KAZN: variants seen among roughly 807,000 people sequenced by gnomAD.
The protein encoded by KAZN is kazrin.
In KAZN, 40 loss-of-function variants were observed where a neutral mutation model predicts 87.4. That is an observed-to-expected ratio of 0.46 (90% CI 0.36 to 0.60). KAZN has a LOEUF of 0.60. Ranked by LOEUF, KAZN falls within the 20% of genes least tolerant of loss-of-function variation. The pLI, the probability that KAZN is intolerant of heterozygous loss-of-function variation, is 0.00. For synonymous variants in KAZN, 466 were observed against 458.3 expected (o/e 1.02, Z -0.22); for missense variants, 898 against 1,073.9 (o/e 0.84, Z 2.29).
chr1:14,960,356 C>T lies in KAZN; in HGVS notation c.227-328C>T, dbSNP rs115792182. Among the ~76,000 whole-genome samples, 184 of 152,342 alleles carry T rather than the reference C, an allele frequency of 1.2e-3. 1 individual carries two copies. Among genetic ancestry groups the T allele is most frequent in the African/African-American group, 4.3e-3 (179 of 41,562 alleles). The stretch of plus-strand genomic sequence containing the variant: ...GAGATAATGCATATGAAACTCAACT[C>T]AGCATGCTGTTGGCTCATGGTTATG... On this transcript the variant is annotated intron_variant, in intron 1 of 14. Transcript: ENST00000376030.
intron 2 of KAZN, among the ~76,000 whole-genome samples, chr1:14,981,287 T>C (rs1001603758): frequency 2.0e-5 from 3 of 152,206 alleles, no homozygotes; most frequent in African/African-American, 7.2e-5. Flanking sequence ...AAATTTCAAG[T>C]GCGTGCTTGA....
At chr1:14,665,351 C>A (rs1039207779) in intron 1 of KAZN, among the ~76,000 whole-genome samples, 2 of 151,904 alleles carry the variant, frequency 1.3e-5, no homozygotes, top group African/African-American at 4.8e-5. Context: ...GCTGTGCAAC[C>A]TTTTCATCCC....
intron 1 of KAZN, among the ~76,000 whole-genome samples, chr1:14,766,383 A>C (rs1013996983): frequency 6.6e-6 from 1 of 152,048 alleles, no homozygotes; most frequent in Non-Finnish European, 1.5e-5. Context: ...GCTGCCCCAG[A>C]GGCTGGGAAA....
At position 14,654,287 on chromosome 1, in the gene KAZN, CAAAA is replaced by C. The variant is rs140822403; in HGVS notation, c.226+55082_226+55085del. On this transcript the variant is annotated intron_variant, in intron 1 of 14. Coordinates refer to ENST00000376030, the MANE Select transcript of KAZN (RefSeq NM_201628.3). Reference sequence around the variant, plus strand: ...GGGCAACAAGAGTGAGGCTTCGTCTCAAAAAAAAAAAAAAAAAAAAATCTCCAGA... The same window carrying C: ...GGGCAACAAGAGTGAGGCTTCGTCTCAAAAAAAAAAAAAAAAATCTCCAGA... 1.3e-3 allele frequency among the ~76,000 whole-genome samples: 101 copies of C among 80,326 alleles called. No homozygotes were observed. In the East Asian group the frequency reaches 0.023, roughly 18 times the overall value. 52.7% of individuals were successfully genotyped at this position (80,326 alleles called of 152,430 possible).
At chr1:14,527,648 G>C (rs1671960347) in intron 2 of KAZN, among the ~76,000 whole-genome samples, 1 of 152,092 alleles carries the variant, frequency 6.6e-6, no homozygotes, top group African/African-American at 2.4e-5. Context: ...CCTGGTGAGG[G>C]GCTCCAGCTG....
At chr1:14,550,557 C>T (rs1049646773) in intron 2 of KAZN, among the ~76,000 whole-genome samples, 1 of 152,042 alleles carries the variant, frequency 6.6e-6, no homozygotes, top group African/African-American at 2.4e-5. Flanking sequence ...CCCAGGGTGC[C>T]AGAGCCAACA....
intron 1 of KAZN, among the ~76,000 whole-genome samples, chr1:14,757,667 T>A (rs1031291004): frequency 2.6e-5 from 4 of 152,164 alleles, no homozygotes; most frequent in African/African-American, 9.7e-5. Context: ...GGAAAACTAT[T>A]TGGCTAAAAT....
At chr1:14,917,115 G>C (rs1195028635) in intron 1 of KAZN, among the ~76,000 whole-genome samples, 1 of 152,114 alleles carries the variant, frequency 6.6e-6, no homozygotes, top group African/African-American at 2.4e-5. Flanking sequence ...TTGGGGACCT[G>C]GGAAAACCAT....
intron 1 of KAZN, among the ~76,000 whole-genome samples, chr1:14,061,877 C>T (rs988178178): frequency 2.0e-5 from 3 of 152,074 alleles, no homozygotes; most frequent in Non-Finnish European, 4.4e-5. Context: ...GGAAGACTGT[C>T]GAGGTCACCA....
intron 1 of KAZN, among the ~76,000 whole-genome samples, chr1:14,753,966 G>A (rs1449122157): frequency 6.6e-6 from 1 of 152,244 alleles, no homozygotes; most frequent in Admixed American, 6.5e-5. Flanking sequence ...GAGTGAAGGG[G>A]AAGAGGGTGC....
chr1:15,065,895 G>T, intron 8 of KAZN, 142 bp downstream of exon 8: 1 of 1,482,640 alleles, frequency 6.7e-7, no homozygotes, highest in Non-Finnish European at 8.9e-7. Context: ...CGTGGGGTGC[G>T]TGTGCACGTG....
At chr1:14,761,005 G>A (rs757147335) in intron 1 of KAZN, among the ~76,000 whole-genome samples, 6 of 152,244 alleles carry the variant, frequency 3.9e-5, no homozygotes, top group East Asian at 1.9e-4. Flanking sequence ...GACAGGCAGC[G>A]GGCCAGATTT....
At chr1:14,537,627 G>A (rs868803) in intron 2 of KAZN, among the ~76,000 whole-genome samples, 65,938 of 151,802 alleles carry the variant, frequency 0.43, 14,790 homozygotes, top group Middle Eastern at 0.56. Flanking sequence ...CCTGAAATGA[G>A]GATGATTATA....
At chr1:13,955,499 T>C (rs1201213344) in intron 1 of KAZN, among the ~76,000 whole-genome samples, 3 of 152,134 alleles carry the variant, frequency 2.0e-5, no homozygotes, top group African/African-American at 7.2e-5. Context: ...ATTTTTGGGA[T>C]TTTAGACTTT....
chr1:15,090,773 A>AC (rs926959868), intron 8 of KAZN, among the ~76,000 whole-genome samples: 13 of 151,830 alleles, frequency 8.6e-5, no homozygotes, highest in African/African-American at 3.1e-4. Context: ...CGTCACACTC[A>AC]CCCCCGCTGA....
chr1:14,945,585 C>G (rs1190447537), intron 1 of KAZN, among the ~76,000 whole-genome samples: 2 of 152,214 alleles, frequency 1.3e-5, no homozygotes, highest in African/African-American at 4.8e-5. Context: ...GGCTCCAGCT[C>G]CGGTGGGGAG....
intron 2 of KAZN, among the ~76,000 whole-genome samples, chr1:14,264,515 G>A (rs984823441): frequency 6.6e-6 from 1 of 152,148 alleles, no homozygotes; most frequent in Non-Finnish European, 1.5e-5. Flanking sequence ...TATCAACAGA[G>A]TGTGTTCTTG....
At chr1:14,447,815 A>G (rs1330205069) in intron 2 of KAZN, among the ~76,000 whole-genome samples, 1 of 152,154 alleles carries the variant, frequency 6.6e-6, no homozygotes, top group East Asian at 1.9e-4. Context: ...GGTGGATTAG[A>G]TCAGCATTTT....
intron 2 of KAZN, among the ~76,000 whole-genome samples, chr1:14,305,897 G>A (rs1402182023): frequency 6.6e-6 from 1 of 152,094 alleles, no homozygotes; most frequent in African/African-American, 2.4e-5. Context: ...TTGGCAGGTA[G>A]GGGCTCTGAT....
Sources: gnomAD v4.1 joint callset for allele counts (sites outside exome capture counted in the v4.1 genomes callset) on GRCh38, gnomAD v4.1.1 for gene constraint, MANE v1.5 for transcripts, NCBI Gene and HGNC (gene_info 2026-07-23, HGNC 2026-07-21) for gene names.